The following FNBP1L variants were observed in gnomAD, a reference collection of about 807,000 sequenced individuals.
The protein encoded by FNBP1L is formin-binding protein 1-like.
A neutral mutation model predicts 91.2 loss-of-function variants in FNBP1L; 36 were observed. That is an observed-to-expected ratio of 0.39 (90% CI 0.30 to 0.52). The LOEUF is 0.52. Ranked by LOEUF, FNBP1L falls within the 20% of genes least tolerant of loss-of-function variation. The pLI is 0.66. For synonymous variants in FNBP1L, 242 were observed against 237.0 expected (o/e 1.02, Z -0.19); for missense variants, 571 against 732.1 (o/e 0.78, Z 2.54).
At chr1:93,525,696 A>G (rs963915662) in intron 5 of FNBP1L, among the ~76,000 whole-genome samples, 1 of 152,174 alleles carries the variant, frequency 6.6e-6, no homozygotes, top group Admixed American at 6.5e-5. Flanking sequence ...AAAGTTTTAG[A>G]GGTCATAAGA....
chr1:93,494,029 G>A (rs371813266), intron 1 of FNBP1L, among the ~76,000 whole-genome samples: 13 of 152,110 alleles, frequency 8.5e-5, no homozygotes, highest in Non-Finnish European at 1.5e-4. Context: ...AGATCCTACC[G>A]TTCAAGGGTT....
At chr1:93,515,637 T>C (rs1020265207) in intron 2 of FNBP1L, among the ~76,000 whole-genome samples, 11 of 151,312 alleles carry the variant, frequency 7.3e-5, no homozygotes, top group African/African-American at 2.2e-4. Flanking sequence ...AAATTGGAAA[T>C]CATCATTCTC....
rs528410640 is a variant in FNBP1L, at chr1:93,468,869, C to T, written c.24+20564C>T. 3.3e-5 allele frequency among the ~76,000 whole-genome samples: 5 copies of T among 152,224 alleles called. No homozygotes were observed. The East Asian group carries it at 9.7e-4, about 29-fold the overall frequency. ...ACTATTTTGCATTTTATATTACCAC[C>T]AGGAATGTGTGAGAGTCCTGATTTC... On this transcript the variant is annotated intron_variant, in intron 1 of 16. Coordinates refer to ENST00000271234, the MANE Select transcript of FNBP1L (RefSeq NM_001164473.3).
intron 2 of FNBP1L, among the ~76,000 whole-genome samples, chr1:93,521,388 C>A (rs1265777965): frequency 2.0e-5 from 3 of 152,002 alleles, no homozygotes; most frequent in African/African-American, 7.3e-5. Flanking sequence ...GTATTAAAGT[C>A]CTCAATTTGT....
At chr1:93,488,208 G>A (rs1338589495) in intron 1 of FNBP1L, 1 of 152,164 alleles carries the variant, frequency 6.6e-6, no homozygotes, top group African/African-American at 2.4e-5. Flanking sequence ...GCTCATCTCT[G>A]GTCTGGATTA....
intron 2 of FNBP1L, among the ~76,000 whole-genome samples, chr1:93,515,619 C>A (rs1671068183): frequency 6.6e-6 from 1 of 151,866 alleles, no homozygotes; most frequent in African/African-American, 2.4e-5. Flanking sequence ...TTTGTAGGGA[C>A]ATGGATGAAA....
chr1:93,479,409 T>C (rs1052412610), intron 1 of FNBP1L, among the ~76,000 whole-genome samples: 7 of 152,180 alleles, frequency 4.6e-5, no homozygotes, highest in African/African-American at 1.4e-4. Flanking sequence ...TTGATAAATA[T>C]CTTAAACAAC....
chr1:93,504,434 T>A (rs4847429), intron 2 of FNBP1L, among the ~76,000 whole-genome samples: 1 of 152,068 alleles, frequency 6.6e-6, no homozygotes, highest in East Asian at 1.9e-4. Flanking sequence ...TCCCCAGCCA[T>A]GTGGAACTAT....
At chr1:93,521,347 T>G (rs1671320783) in intron 2 of FNBP1L, among the ~76,000 whole-genome samples, 1 of 152,166 alleles carries the variant, frequency 6.6e-6, no homozygotes, top group African/African-American at 2.4e-5. Flanking sequence ...CTTTTATTCC[T>G]TGAGTCAGCA....
At chr1:93,541,258 A>T (rs1266896624) in intron 11 of FNBP1L, among the ~76,000 whole-genome samples, 1 of 152,216 alleles carries the variant, frequency 6.6e-6, no homozygotes, top group African/African-American at 2.4e-5. Context: ...TCATCAACCC[A>T]TTAAGTTCTT....
At chr1:93,461,845 C>G (rs1227417042) in intron 1 of FNBP1L, among the ~76,000 whole-genome samples, 1 of 152,108 alleles carries the variant, frequency 6.6e-6, no homozygotes, top group Non-Finnish European at 1.5e-5. Flanking sequence ...GATAATAATA[C>G]AAGTAACTGA....
At chr1:93,474,102 G>T (rs11164937) in intron 1 of FNBP1L, among the ~76,000 whole-genome samples, 4,087 of 152,212 alleles carry the variant, frequency 0.027, 181 homozygotes, top group African/African-American at 0.093. Flanking sequence ...AAAATTAGCG[G>T]GTGTGGTGGT....
chr1:93,533,255 T>C (rs1439523203), intron 8 of FNBP1L, among the ~76,000 whole-genome samples, 187 bp downstream of exon 8: 1 of 151,012 alleles, frequency 6.6e-6, no homozygotes, highest in Non-Finnish European at 1.5e-5. Flanking sequence ...AAGTTCTAAT[T>C]CTTTCTTAAA....
At chr1:93,448,951 C>T (rs963622738) in intron 1 of FNBP1L, among the ~76,000 whole-genome samples, 2 of 152,216 alleles carry the variant, frequency 1.3e-5, no homozygotes, top group Non-Finnish European at 2.9e-5. Context: ...CGAGGGACTC[C>T]GGTTTGGCCA....
intron 2 of FNBP1L, among the ~76,000 whole-genome samples, chr1:93,503,522 T>C (rs1670505501): frequency 6.6e-6 from 1 of 152,228 alleles, no homozygotes; most frequent in Admixed American, 6.5e-5. Context: ...TTTAATCTTT[T>C]CTCCCTTTAC....
intron 2 of FNBP1L, among the ~76,000 whole-genome samples, chr1:93,503,726 G>C (rs1670513037): frequency 6.6e-6 from 1 of 152,150 alleles, no homozygotes; most frequent in Non-Finnish European, 1.5e-5. Context: ...ACTTGGTAGA[G>C]TGTTTTTTGT....
At chr1:93,519,247 G>A (rs4847431) in intron 2 of FNBP1L, among the ~76,000 whole-genome samples, 39 of 152,014 alleles carry the variant, frequency 2.6e-4, no homozygotes, top group African/African-American at 5.1e-4. Flanking sequence ...TACTTTTCAC[G>A]TTACTACTTG....
chr1:93,517,874 T>C (rs1342047665), intron 2 of FNBP1L, among the ~76,000 whole-genome samples: 1 of 152,232 alleles, frequency 6.6e-6, no homozygotes, highest in Non-Finnish European at 1.5e-5. Context: ...TTTGGCTTTG[T>C]CACTTACTGG....
intron 1 of FNBP1L, among the ~76,000 whole-genome samples, chr1:93,469,691 AC>A (rs1669216875): frequency 6.6e-6 from 1 of 152,172 alleles, no homozygotes; most frequent in African/African-American, 2.4e-5. Context: ...TGGCAGTGGT[AC>A]TGTTTAAGAA....
Sources: gnomAD v4.1 joint callset for allele counts (sites outside exome capture counted in the v4.1 genomes callset) on GRCh38, gnomAD v4.1.1 for gene constraint, MANE v1.5 for transcripts, NCBI Gene and HGNC (gene_info 2026-07-23, HGNC 2026-07-21) for gene names.